The following VDAC1 variants were observed in gnomAD, a reference collection of about 807,000 sequenced individuals.
VDAC1 encodes non-selective voltage-gated ion channel VDAC1.
Under a neutral mutation model 34.7 loss-of-function variants are expected in VDAC1, and 10 were observed. That is an observed-to-expected ratio of 0.29 (90% confidence interval 0.18 to 0.49). The LOEUF (loss-of-function observed/expected upper bound fraction) is 0.49, where lower values mean the gene tolerates loss of function less well. VDAC1 is among the 20% of genes least tolerant of loss of function. The pLI is 0.99. For synonymous variants in VDAC1, 130 were observed against 136.0 expected, an observed-to-expected ratio of 0.96 and a Z score of 0.30; for missense variants, 230 against 347.9, an observed-to-expected ratio of 0.66 and a Z score of 2.69.
upstream of VDAC1, among the ~76,000 whole-genome samples, chr5:134,006,321 G>A (rs889782692): frequency 6.6e-6 from 1 of 152,140 alleles, no homozygotes; most frequent in Non-Finnish European, 1.5e-5. Context: ...GAGGCCGGGC[G>A]GGACAAGGCG....
At chr5:134,114,378 G>A in the VDAC1 span, among the ~76,000 whole-genome samples, 1 of 152,152 alleles carries the variant, frequency 6.6e-6, no homozygotes, top group African/African-American at 2.4e-5. Context: ...AGTCCCAAGG[G>A]CCTAGGGGAC....
the VDAC1 span, among the ~76,000 whole-genome samples, chr5:134,033,909 A>C: frequency 6.6e-6 from 1 of 151,896 alleles, no homozygotes; most frequent in African/African-American, 2.4e-5. Flanking sequence ...GGAGAACGGC[A>C]TGAACCCGGG....
At chr5:134,038,643 A>G in the VDAC1 span, among the ~76,000 whole-genome samples, 2 of 152,170 alleles carry the variant, frequency 1.3e-5, no homozygotes, top group Non-Finnish European at 2.9e-5. Flanking sequence ...TGAAAAGATA[A>G]CTCAATTCTG....
At chr5:134,085,749 AAAAAT>A in the VDAC1 span, among the ~76,000 whole-genome samples, 735 of 145,376 alleles carry the variant, frequency 5.1e-3, 12 homozygotes, top group African/African-American at 0.018. Flanking sequence ...AAAAAAAAAA[AAAAAT>A]TTCATTAGCT....
chr5:134,112,670 A>G, the VDAC1 span, among the ~76,000 whole-genome samples: 2 of 152,260 alleles, frequency 1.3e-5, no homozygotes, highest in Non-Finnish European at 2.9e-5. Flanking sequence ...CATGAAAAAA[A>G]ACACTTGTCC....
At chr5:134,047,473 T>C in the VDAC1 span, among the ~76,000 whole-genome samples, 4 of 152,168 alleles carry the variant, frequency 2.6e-5, no homozygotes, top group East Asian at 1.9e-4. Flanking sequence ...ACCATTCCTA[T>C]GGGAGAGAGG....
chr5:134,105,332 T>A, the VDAC1 span, among the ~76,000 whole-genome samples: 1 of 152,220 alleles, frequency 6.6e-6, no homozygotes. Flanking sequence ...CTCTGTAGGC[T>A]GCAGAACTAT....
chr5:134,100,292 C>A, the VDAC1 span, among the ~76,000 whole-genome samples: 1 of 152,214 alleles, frequency 6.6e-6, no homozygotes, highest in Non-Finnish European at 1.5e-5. Context: ...CACAAACCAG[C>A]CAGAGCTACC....
chr5:134,080,352 T>C, the VDAC1 span, among the ~76,000 whole-genome samples: 10 of 152,228 alleles, frequency 6.6e-5, no homozygotes, highest in Non-Finnish European at 1.5e-4. Flanking sequence ...GGCCCAGGAC[T>C]CACTCTGGGC....
At chr5:134,052,731 G>A in the VDAC1 span, among the ~76,000 whole-genome samples, 1 of 152,176 alleles carries the variant, frequency 6.6e-6, no homozygotes, top group Non-Finnish European at 1.5e-5. Context: ...TGGGCCAGGC[G>A]CTGTGCTAGG....
the VDAC1 span, among the ~76,000 whole-genome samples, chr5:134,066,112 T>G: frequency 6.6e-6 from 1 of 151,742 alleles, no homozygotes; most frequent in Non-Finnish European, 1.5e-5. Context: ...TATTTTTATC[T>G]ACTTATTTTT....
At chr5:134,008,120 C>G (rs73787988), upstream of VDAC1, among the ~76,000 whole-genome samples, 2,051 of 152,212 alleles carry the variant, frequency 0.013, 42 homozygotes, top group African/African-American at 0.046. Context: ...CTCCTGCCCC[C>G]GCCTCTCCGC....
chr5:134,027,370 G>C, the VDAC1 span, among the ~76,000 whole-genome samples: 1 of 152,148 alleles, frequency 6.6e-6, no homozygotes, highest in African/African-American at 2.4e-5. Context: ...ACCAGTTCCC[G>C]AGCAGCAAGG....
At chr5:134,035,442 C>G in the VDAC1 span, among the ~76,000 whole-genome samples, 1 of 152,162 alleles carries the variant, frequency 6.6e-6, no homozygotes, top group African/African-American at 2.4e-5. Flanking sequence ...GAAAAGAGGT[C>G]TCATCATTTT....
chr5:133,994,025 T>C lies in VDAC1; in HGVS notation c.-6-1007A>G, dbSNP rs144903552. Among the ~76,000 whole-genome samples, 577 of 152,336 alleles carry C rather than the reference T, an allele frequency of 3.8e-3. 4 individuals carry two copies. The highest frequency in any genetic ancestry group is 4.9e-3 in the Non-Finnish European group (331 of 68,034). On this transcript the variant is annotated intron_variant, in intron 1 of 8. Coordinates refer to ENST00000265333, the MANE Select transcript of VDAC1 (RefSeq NM_003374.3). ...CATTAGTCTCAACCAGAAGGACCAT[T>C]CCATTCGTTTTAAAATACAGTATAC...
At chr5:134,113,123 C>T in the VDAC1 span, among the ~76,000 whole-genome samples, 2 of 152,222 alleles carry the variant, frequency 1.3e-5, no homozygotes, top group East Asian at 1.9e-4. Context: ...CCGAGCCCCC[C>T]CTTCCCCGCC....
chr5:134,111,303 A>G, the VDAC1 span, among the ~76,000 whole-genome samples: 2 of 152,088 alleles, frequency 1.3e-5, no homozygotes, highest in African/African-American at 4.8e-5. Flanking sequence ...GTGCAAGCTC[A>G]TTTGCGTGAA....
chr5:134,002,134 T>C (rs1303890027), intron 1 of VDAC1, among the ~76,000 whole-genome samples: 1 of 151,736 alleles, frequency 6.6e-6, no homozygotes, highest in Non-Finnish European at 1.5e-5. Flanking sequence ...CGAAGTGGAC[T>C]TCAGTGCTTC....
At chr5:134,084,596 C>T in the VDAC1 span, among the ~76,000 whole-genome samples, 1 of 152,250 alleles carries the variant, frequency 6.6e-6, no homozygotes, top group Non-Finnish European at 1.5e-5. Context: ...TACCTCCAGC[C>T]TGCTGTGGTT....
Sources: gnomAD v4.1 joint callset for allele counts (sites outside exome capture counted in the v4.1 genomes callset) on GRCh38, gnomAD v4.1.1 for gene constraint, MANE v1.5 for transcripts, NCBI Gene and HGNC (gene_info 2026-07-23, HGNC 2026-07-21) for gene names.